GOLM2: variants seen among roughly 807,000 people sequenced by gnomAD.
The protein encoded by GOLM2 is protein GOLM2.
A neutral mutation model predicts 55.9 loss-of-function variants in GOLM2; 26 were observed. The observed-to-expected ratio is 0.47, with a 90% CI of 0.34 to 0.65. The LOEUF is 0.65. Among genes scored for constraint, GOLM2 ranks in the 30% least tolerant of loss-of-function variants. The probability of loss-of-function intolerance (pLI) is 0.01; values close to 1 mark genes in which losing one functional copy is unlikely to be tolerated. For missense variants in GOLM2, 486 were observed against 531.8 expected (o/e 0.91, Z 0.85); for synonymous variants, 165 against 194.6 (o/e 0.85, Z 1.27).
intron 6 of GOLM2, among the ~76,000 whole-genome samples, chr15:44,368,648 C>G (rs1317931448): frequency 6.6e-6 from 1 of 151,766 alleles, no homozygotes; most frequent in Non-Finnish European, 1.5e-5. Flanking sequence ...ACTCCCCATT[C>G]TTTACCAGAT....
chr15:44,292,571 C>T (rs922157093), intron 1 of GOLM2, among the ~76,000 whole-genome samples: 3 of 152,004 alleles, frequency 2.0e-5, no homozygotes, highest in African/African-American at 7.2e-5. Context: ...GCCCAGGCTG[C>T]TTTCAAACTC....
chr15:44,297,699 C>T (rs879482065), intron 1 of GOLM2, among the ~76,000 whole-genome samples: 44 of 139,354 alleles, frequency 3.2e-4, no homozygotes, highest in Middle Eastern at 5.1e-3. Context: ...GTAGCTAGGA[C>T]TACAGGCACC....
At chr15:44,292,212 T>G (rs2078725894) in intron 1 of GOLM2, among the ~76,000 whole-genome samples, 2 of 147,652 alleles carry the variant, frequency 1.4e-5, no homozygotes, top group South Asian at 4.2e-4. Flanking sequence ...TTTTTTTTTT[T>G]TTTTAGACAG....
At chr15:44,392,092 C>G (rs1421411751) in intron 8 of GOLM2, among the ~76,000 whole-genome samples, 3 of 151,954 alleles carry the variant, frequency 2.0e-5, no homozygotes, top group Admixed American at 6.6e-5. Context: ...TCAGGTGATG[C>G]TCCTGGCTTG....
chr15:44,390,789 G>A (rs993798549), intron 8 of GOLM2, among the ~76,000 whole-genome samples: 8 of 151,746 alleles, frequency 5.3e-5, no homozygotes, highest in South Asian at 4.2e-4. Flanking sequence ...GGCTGGTCTC[G>A]TACTCCTAAC....
At chr15:44,349,947 A>G (rs2079150800) in intron 6 of GOLM2, among the ~76,000 whole-genome samples, 2 of 152,242 alleles carry the variant, frequency 1.3e-5, no homozygotes. Flanking sequence ...TGAAACAAAC[A>G]TAATGGAAAC....
intron 1 of GOLM2, among the ~76,000 whole-genome samples, chr15:44,297,310 G>C (rs1417037320): frequency 1.3e-5 from 2 of 152,168 alleles, no homozygotes; most frequent in Non-Finnish European, 2.9e-5. Flanking sequence ...GTGGCTGTAT[G>C]ACTCACTGAC....
intron 1 of GOLM2, among the ~76,000 whole-genome samples, chr15:44,321,513 A>T (rs1281166787): frequency 4.0e-5 from 6 of 150,566 alleles, no homozygotes; most frequent in Non-Finnish European, 8.9e-5. Flanking sequence ...CATGAGGGAG[A>T]TCTTTGTGAT....
At chr15:44,402,422 G>A (rs1394416413) in intron 8 of GOLM2, among the ~76,000 whole-genome samples, 1 of 150,060 alleles carries the variant, frequency 6.7e-6, no homozygotes, top group Non-Finnish European at 1.5e-5. Flanking sequence ...AAACTCTTGA[G>A]CTCAAGCAAT....
intron 6 of GOLM2, among the ~76,000 whole-genome samples, chr15:44,373,107 T>G (rs780378905): frequency 1.9e-4 from 29 of 152,236 alleles, no homozygotes; most frequent in Admixed American, 6.5e-4. Flanking sequence ...GAATGTAAGC[T>G]TCATAGGACA....
chr15:44,339,856 G>A (rs1441669098), intron 6 of GOLM2, among the ~76,000 whole-genome samples: 1 of 151,860 alleles, frequency 6.6e-6, no homozygotes, highest in Non-Finnish European at 1.5e-5. Context: ...ATCTCGCTCT[G>A]TCACCCAGGC....
In GOLM2 at chr15:44,338,227, A is replaced by G. The variant is rs201036867; in HGVS notation, c.722-10A>G. The G allele has an allele frequency of 1.9e-6, 3 of 1,606,980 alleles. No individual in the cohort carries two copies. The highest frequency in any genetic ancestry group is 2.2e-5 in the East Asian group (1 of 44,794). On this transcript the variant is annotated splice_polypyrimidine_tract_variant and intron_variant, in intron 5 of 9. Coordinates refer to ENST00000299957, the MANE Select transcript of GOLM2 (RefSeq NM_138423.4). ...AACGATAGAATTCTATCTTTTTGTT[A>G]CTTGGGCAGAACAAATCAAAAGAGG...
intron 8 of GOLM2, among the ~76,000 whole-genome samples, chr15:44,397,239 G>A (rs1245435743): frequency 6.6e-6 from 1 of 151,850 alleles, no homozygotes; most frequent in Non-Finnish European, 1.5e-5. Flanking sequence ...CAGCACTTTG[G>A]GAGGCCGAGG....
At chr15:44,301,535 G>A (rs1237368558) in intron 1 of GOLM2, among the ~76,000 whole-genome samples, 1 of 152,056 alleles carries the variant, frequency 6.6e-6, no homozygotes. Context: ...ATTGACTATG[G>A]AACTTACCCT....
intron 1 of GOLM2, among the ~76,000 whole-genome samples, chr15:44,319,084 G>A (rs921652971): frequency 2.6e-5 from 4 of 151,912 alleles, no homozygotes; most frequent in Non-Finnish European, 5.9e-5. Context: ...TATTAAGTTC[G>A]CCCATCATGT....
At position 44,313,992 on chromosome 15, in the gene GOLM2, C is replaced by T. The variant is rs756543185; in HGVS notation, c.328-8973C>T. Among the ~76,000 whole-genome samples, 4 of 152,042 alleles carry T rather than the reference C, an allele frequency of 2.6e-5. 1 individual carries two copies. The highest frequency in any genetic ancestry group is 9.7e-5 in the African/African-American group (4 of 41,392). On this transcript the variant is annotated intron_variant, in intron 1 of 9. Coordinates refer to ENST00000299957, the MANE Select transcript of GOLM2 (RefSeq NM_138423.4). ...GTGGCTCATGCCTGTAATCCCAACA[C>T]TTTGGGAGGTCGAGGTGGGCAGATC... is the stretch of plus-strand genomic sequence containing the variant.
chr15:44,320,355 C>T (rs191471230), intron 1 of GOLM2, among the ~76,000 whole-genome samples: 38 of 152,154 alleles, frequency 2.5e-4, no homozygotes, highest in African/African-American at 8.9e-4. Context: ...CTGGAGTACA[C>T]TGGTGCAATC....
At chr15:44,335,809 G>A (rs1435043275) in intron 4 of GOLM2, among the ~76,000 whole-genome samples, 1 of 140,002 alleles carries the variant, frequency 7.1e-6, no homozygotes, top group African/African-American at 2.7e-5. Context: ...TGGACAAACT[G>A]CTTTTTTTTT....
At chr15:44,358,557 C>T (rs758912508) in intron 6 of GOLM2, among the ~76,000 whole-genome samples, 2 of 152,028 alleles carry the variant, frequency 1.3e-5, no homozygotes, top group Non-Finnish European at 2.9e-5. Context: ...GAGATAGACA[C>T]ACATAAATAT....
Sources: gnomAD v4.1 joint callset for allele counts (sites outside exome capture counted in the v4.1 genomes callset) on GRCh38, gnomAD v4.1.1 for gene constraint, MANE v1.5 for transcripts, NCBI Gene and HGNC (gene_info 2026-07-23, HGNC 2026-07-21) for gene names.